KALRN: variants seen among roughly 807,000 people sequenced by gnomAD.
The protein encoded by KALRN is kalirin.
KALRN carries 70 observed loss-of-function variants against 353.7 expected under a neutral mutation model. The observed-to-expected ratio is 0.20, with a 90% CI of 0.16 to 0.24. The LOEUF is 0.24. Ranked by LOEUF, KALRN falls within the 10% of genes least tolerant of loss-of-function variation. The probability of loss-of-function intolerance (pLI) is 1.00; values close to 1 mark genes in which losing one functional copy is unlikely to be tolerated. For synonymous variants in KALRN, 1,391 were observed against 1,434.8 expected (o/e 0.97, Z 0.69); for missense variants, 2,791 against 3,756.7 (o/e 0.74, Z 6.72).
intron 1 of KALRN, among the ~76,000 whole-genome samples, chr3:124,104,525 G>C (rs2062127437): frequency 6.6e-6 from 1 of 152,210 alleles, no homozygotes; most frequent in African/African-American, 2.4e-5. Context: ...AGTTAAGGTT[G>C]GAGGGACAGA....
At chr3:124,244,525 C>T (rs190474982) in intron 3 of KALRN, among the ~76,000 whole-genome samples, 8 of 152,338 alleles carry the variant, frequency 5.3e-5, no homozygotes, top group Non-Finnish European at 1.2e-4. Flanking sequence ...GCGTGAGCGA[C>T]CGCGCCTGGC....
chr3:124,570,355 A>G (rs2073372643), intron 34 of KALRN, among the ~76,000 whole-genome samples: 1 of 152,072 alleles, frequency 6.6e-6, no homozygotes, highest in African/African-American at 2.4e-5. Context: ...AATCCTCTTC[A>G]TTTGTATAGG....
rs745696554 is a variant in KALRN at position 124,334,339 on chromosome 3, G to A, written c.1491G>A (p.Thr497=). 13 of 1,614,220 alleles carry A rather than the reference G, an allele frequency of 8.1e-6. No homozygotes were observed. Among genetic ancestry groups the A allele is most frequent in the African/African-American group, 1.3e-5 (1 of 75,052 alleles). The change falls in exon 9 of 60, where the codon ACG becomes ACA. Residue 497 remains threonine, a synonymous_variant. Coordinates refer to ENST00000682506, the MANE Select transcript of KALRN (RefSeq NM_001388419.1). The surrounding 1 kb of genome is among the most constrained non-coding windows in gnomAD (Gnocchi z 4.2). ...PLSPGNSESL[T]ATANYSKAVH... is the part of the protein sequence containing the mutation. Reference sequence around the variant, plus strand: ...GCCCTGGGAACTCCGAATCCCTCACGGCCACAGCCAACTACTCCAAGGCAG... The same window carrying A: ...GCCCTGGGAACTCCGAATCCCTCACAGCCACAGCCAACTACTCCAAGGCAG...
intron 38 of KALRN, among the ~76,000 whole-genome samples, chr3:124,655,249 T>C (rs2083880982): frequency 6.6e-6 from 1 of 152,214 alleles, no homozygotes. Context: ...CAGAACGCAG[T>C]TTTGCCAAAA....
At chr3:124,062,674 G>A (rs1261293822) in intron 1 of KALRN, among the ~76,000 whole-genome samples, 1 of 152,182 alleles carries the variant, frequency 6.6e-6, no homozygotes, top group African/African-American at 2.4e-5. Flanking sequence ...GTTTTTTAAA[G>A]TCACGTGCTT....
intron 1 of KALRN, among the ~76,000 whole-genome samples, chr3:124,188,655 G>A (rs1338279627): frequency 6.6e-6 from 1 of 152,154 alleles, no homozygotes; most frequent in Non-Finnish European, 1.5e-5. Flanking sequence ...GGGGAGGCAT[G>A]TATACTCTAT....
chr3:124,133,121 G>A (rs1382961490), intron 1 of KALRN: 1 of 152,140 alleles, frequency 6.6e-6, no homozygotes, highest in Non-Finnish European at 1.5e-5. Context: ...TGATCTGATG[G>A]TGCGGGGTTA....
chr3:124,265,295 A>ATTTTTTTTTTTTTT (rs1465968614), intron 4 of KALRN, among the ~76,000 whole-genome samples: 12 of 61,084 alleles, frequency 2.0e-4, no homozygotes, highest in East Asian at 7.9e-4. Context: ...TTAAGAAAAT[A>ATTTTTTTTTTTTTT]TTCTTTTTTT....
At chr3:124,333,694 C>G (rs759337099) in intron 8 of KALRN, among the ~76,000 whole-genome samples, 19 of 152,074 alleles carry the variant, frequency 1.2e-4, no homozygotes, top group Non-Finnish European at 2.2e-4. Flanking sequence ...TCAAGACCAG[C>G]CTGGCCAACA....
At chr3:124,463,199 A>G (rs1378700336) in intron 25 of KALRN, among the ~76,000 whole-genome samples, 1 of 152,238 alleles carries the variant, frequency 6.6e-6, no homozygotes, top group Non-Finnish European at 1.5e-5. Context: ...ACAAAACAGC[A>G]TGTTCCATGG....
chr3:124,596,757 A>T (rs912429428), intron 34 of KALRN, among the ~76,000 whole-genome samples: 2 of 152,202 alleles, frequency 1.3e-5, no homozygotes, highest in African/African-American at 4.8e-5. Flanking sequence ...ATCATTAATA[A>T]GTACATAGGG....
intron 3 of KALRN, among the ~76,000 whole-genome samples, chr3:124,241,693 G>A (rs964586482): frequency 6.6e-6 from 1 of 152,182 alleles, no homozygotes; most frequent in African/African-American, 2.4e-5. Flanking sequence ...GGGAAGTCTA[G>A]CATGTGCATA....
At chr3:124,707,202 G>A (rs943476666) in intron 57 of KALRN, among the ~76,000 whole-genome samples, 2 of 152,014 alleles carry the variant, frequency 1.3e-5, no homozygotes, top group African/African-American at 4.8e-5. Context: ...AACTAGCTAG[G>A]CATGGTGGTG....
chr3:124,480,022 C>T (rs998124722), intron 27 of KALRN, among the ~76,000 whole-genome samples: 1 of 152,158 alleles, frequency 6.6e-6, no homozygotes, highest in Non-Finnish European at 1.5e-5. Context: ...CGCGCCCGGC[C>T]GATCCAGAAT....
chr3:124,512,642 C>A (rs1337672703), intron 33 of KALRN, among the ~76,000 whole-genome samples: 1 of 151,610 alleles, frequency 6.6e-6, no homozygotes, highest in African/African-American at 2.4e-5. Context: ...CAGAGCAAGT[C>A]TCTGTCTTGG....
At chr3:124,667,306 T>G (rs1213745298) in intron 47 of KALRN, 123 bp downstream of exon 47, 2 of 827,570 alleles carry the variant, frequency 2.4e-6, no homozygotes, top group East Asian at 2.8e-5. Context: ...TACTCCAACT[T>G]TGTAGTTTTC....
chr3:124,628,181 C>T (rs1216258166), intron 34 of KALRN, among the ~76,000 whole-genome samples: 1 of 58,094 alleles, frequency 1.7e-5, no homozygotes, highest in Non-Finnish European at 3.2e-5. Context: ...TCCCTCCCTC[C>T]CTCCTTCATT....
At chr3:124,632,803 G>A in intron 35 of KALRN, 100 bp downstream of exon 35, 2 of 1,111,804 alleles carry the variant, frequency 1.8e-6, no homozygotes, top group Non-Finnish European at 1.3e-6. Context: ...CTCCATTAGT[G>A]TGTTACCTTG....
chr3:124,665,398 G>T (rs1188623468), intron 45 of KALRN, among the ~76,000 whole-genome samples: 2 of 152,154 alleles, frequency 1.3e-5, no homozygotes, highest in Non-Finnish European at 1.5e-5. Context: ...CCTCAGCTAG[G>T]TGTCAGGTGG....
Sources: allele counts gnomAD v4.1 joint callset (sites outside exome capture counted in the v4.1 genomes callset), GRCh38; gene constraint gnomAD v4.1.1; non-coding constraint Gnocchi (gnomAD v3.1); transcripts MANE v1.5; gene names NCBI Gene and HGNC (gene_info 2026-07-23, HGNC 2026-07-21).